STPG2: variants seen among roughly 807,000 people sequenced by gnomAD.
The protein encoded by STPG2 is sperm-tail PG-rich repeat-containing protein 2.
In STPG2, 56 loss-of-function variants were observed where a neutral mutation model predicts 54.2. The observed-to-expected ratio is 1.03, with a 90% confidence interval of 0.83 to 1.29. The LOEUF (loss-of-function observed/expected upper bound fraction) is 1.29, where lower values mean the gene tolerates loss of function less well. Among genes scored for constraint, STPG2 ranks in the 50% most tolerant of loss-of-function variants. The pLI is 0.00. For synonymous variants in STPG2, 200 were observed against 181.8 expected, an observed-to-expected ratio of 1.10 and a Z score of -0.81; for missense variants, 596 against 544.9, an observed-to-expected ratio of 1.09 and a Z score of -0.93.
intron 5 of STPG2, among the ~76,000 whole-genome samples, chr4:97,998,370 C>T (rs1467428457): frequency 6.6e-6 from 1 of 152,180 alleles, no homozygotes; most frequent in Non-Finnish European, 1.5e-5. Context: ...ACAGCCAACC[C>T]CTCTGAGGTG....
At chr4:97,610,387 C>A (rs1186403922) in intron 10 of STPG2, among the ~76,000 whole-genome samples, 1 of 151,982 alleles carries the variant, frequency 6.6e-6, no homozygotes. Context: ...CTGTGCAACT[C>A]AAAGCCATTC....
chr4:97,752,088 T>C (rs1185476416), intron 9 of STPG2, among the ~76,000 whole-genome samples: 1 of 151,846 alleles, frequency 6.6e-6, no homozygotes, highest in African/African-American at 2.4e-5. Flanking sequence ...TCACTTCTTA[T>C]ACAAAACCCT....
chr4:97,984,453 A>G (rs1023740154), intron 5 of STPG2, among the ~76,000 whole-genome samples: 1 of 152,034 alleles, frequency 6.6e-6, no homozygotes, highest in Non-Finnish European at 1.5e-5. Context: ...CCTGTTTCCA[A>G]TTCTTACATT....
At chr4:98,038,253 TATATC>T (rs1421023715) in intron 5 of STPG2, among the ~76,000 whole-genome samples, 1 of 152,044 alleles carries the variant, frequency 6.6e-6, no homozygotes, top group Non-Finnish European at 1.5e-5. Flanking sequence ...AGCCAAGAAA[TATATC>T]ATATGGAAGA....
At chr4:97,869,496 T>A (rs953286097) in intron 8 of STPG2, among the ~76,000 whole-genome samples, 1 of 151,736 alleles carries the variant, frequency 6.6e-6, no homozygotes. Flanking sequence ...ACATTTAGAT[T>A]TTTAAAAAAT....
chr4:97,884,084 G>C (rs1162028507), intron 8 of STPG2, among the ~76,000 whole-genome samples: 1 of 151,946 alleles, frequency 6.6e-6, no homozygotes, highest in Non-Finnish European at 1.5e-5. Flanking sequence ...AATCAGTCCA[G>C]GCCCAATAAA....
chr4:97,838,507 CA>C (rs1466193101), intron 9 of STPG2, among the ~76,000 whole-genome samples: 2 of 150,398 alleles, frequency 1.3e-5, no homozygotes, highest in Admixed American at 1.3e-4. Context: ...AAAGAATAGA[CA>C]ATTTTTTGGT....
intron 8 of STPG2, among the ~76,000 whole-genome samples, chr4:97,914,897 T>C (rs1731814593): frequency 6.6e-6 from 1 of 152,238 alleles, no homozygotes; most frequent in Non-Finnish European, 1.5e-5. Context: ...GTACTTCATA[T>C]AAGTGGAATC....
chr4:97,569,349 C>A (rs895535440), intron 10 of STPG2, among the ~76,000 whole-genome samples: 3 of 152,138 alleles, frequency 2.0e-5, no homozygotes, highest in African/African-American at 7.2e-5. Context: ...ACTTTTGTCA[C>A]CATCTTGGTT....
At chr4:97,537,917 G>C (rs1485733017) in intron 4 of STPG2, among the ~76,000 whole-genome samples, 1 of 152,180 alleles carries the variant, frequency 6.6e-6, no homozygotes, top group Non-Finnish European at 1.5e-5. Context: ...CTCCGCTGCT[G>C]ATACCCAGGC....
intron 4 of STPG2, among the ~76,000 whole-genome samples, chr4:97,523,061 T>A (rs982559035): frequency 1.3e-5 from 2 of 151,986 alleles, no homozygotes; most frequent in African/African-American, 4.8e-5. Flanking sequence ...CAATTTAAAA[T>A]GTCATGATTT....
intron 4 of STPG2, among the ~76,000 whole-genome samples, chr4:97,447,618 G>C (rs1282378191): frequency 6.6e-6 from 1 of 152,202 alleles, no homozygotes; most frequent in Non-Finnish European, 1.5e-5. Context: ...GAGGGTGCAA[G>C]CTCCAAGATT....
At chr4:98,037,251 T>C (rs1186404477) in intron 5 of STPG2, among the ~76,000 whole-genome samples, 1 of 152,052 alleles carries the variant, frequency 6.6e-6, no homozygotes, top group African/African-American at 2.4e-5. Flanking sequence ...TGAACACATA[T>C]GCAAACGTAC....
chr4:97,443,421 C>T (rs962505981), intron 4 of STPG2, among the ~76,000 whole-genome samples: 4 of 152,066 alleles, frequency 2.6e-5, no homozygotes, highest in Admixed American at 6.6e-5. Context: ...TAAATTTTAT[C>T]TGGTATAGGG....
chr4:98,001,042 T>C (rs1470901811), intron 5 of STPG2, among the ~76,000 whole-genome samples: 1 of 152,164 alleles, frequency 6.6e-6, no homozygotes, highest in Non-Finnish European at 1.5e-5. Context: ...TGAGTAAAAC[T>C]GATGAAAAGC....
At chr4:97,990,293 G>A (rs1021775925) in intron 5 of STPG2, among the ~76,000 whole-genome samples, 2 of 152,006 alleles carry the variant, frequency 1.3e-5, no homozygotes, top group Non-Finnish European at 2.9e-5. Context: ...CTTCTAAAAA[G>A]CTAGGTTTCA....
chr4:98,042,955 T>C (rs1394786398), intron 5 of STPG2, among the ~76,000 whole-genome samples: 6 of 152,062 alleles, frequency 3.9e-5, no homozygotes, highest in Non-Finnish European at 7.4e-5. Flanking sequence ...ACTATTATTA[T>C]ATTGCTATCA....
chr4:97,874,602 C>G (rs796964877), intron 8 of STPG2, among the ~76,000 whole-genome samples: 1 of 151,722 alleles, frequency 6.6e-6, no homozygotes, highest in Admixed American at 6.6e-5. Flanking sequence ...TTTATAAAAA[C>G]AGATTCAAAT....
intron 10 of STPG2, among the ~76,000 whole-genome samples, chr4:97,653,131 A>G (rs1445927080): frequency 6.6e-6 from 1 of 152,022 alleles, no homozygotes; most frequent in Non-Finnish European, 1.5e-5. Flanking sequence ...AGATAGATAG[A>G]TAGACAGATA....
Sources: allele counts gnomAD v4.1 joint callset (sites outside exome capture counted in the v4.1 genomes callset), GRCh38; gene constraint gnomAD v4.1.1; transcripts MANE v1.5; gene names NCBI Gene and HGNC (gene_info 2026-07-23, HGNC 2026-07-21).